Variants in CAMSAP3 observed in about 807,000 individuals in gnomAD.
CAMSAP3 encodes calmodulin regulated spectrin associated protein family member 3, also known as calmodulin-regulated spectrin-associated protein 3.
A neutral mutation model predicts 112.5 loss-of-function variants in CAMSAP3; 34 were observed. That is an observed-to-expected ratio of 0.30 (90% CI 0.23 to 0.40). CAMSAP3 has a LOEUF of 0.40. CAMSAP3 is among the 10% of genes least tolerant of loss of function. The probability of loss-of-function intolerance (pLI) is 1.00; values close to 1 mark genes in which losing one functional copy is unlikely to be tolerated. For missense variants in CAMSAP3, 1,602 were observed against 1,770.3 expected (o/e 0.90, Z 1.71); for synonymous variants, 868 against 799.8 (o/e 1.09, Z -1.44).
At position 7,618,103 on chromosome 19, in the gene CAMSAP3, C is replaced by T; in HGVS notation, c.*46C>T. Reference sequence around the variant, plus strand: ...GGCCGGGCCCTGTGTGCTGCGGCCGCCATCCCCTGGAGGACAGTCAGTCGG... The same window carrying T: ...GGCCGGGCCCTGTGTGCTGCGGCCGTCATCCCCTGGAGGACAGTCAGTCGG... On this transcript the variant is annotated 3_prime_UTR_variant, in exon 17 of 17. Transcript: ENST00000160298. 1 of 1,574,566 alleles carries T rather than the reference C, an allele frequency of 6.4e-7. No homozygotes were observed. Among genetic ancestry groups the T allele is most frequent in the Non-Finnish European group, 8.6e-7 (1 of 1,159,536 alleles).
intron 1 of CAMSAP3, among the ~76,000 whole-genome samples, chr19:7,599,689 T>C (rs150987934): frequency 0.094 from 2,703 of 28,906 alleles, 145 homozygotes; most frequent in Admixed American, 0.11. Context: ...CACTCATCCA[T>C]CCACCCACGC....
chr19:7,615,868 G>A lies in CAMSAP3; in HGVS notation c.3112+149G>A, dbSNP rs1262216171. The A allele has an allele frequency of 7.7e-6, 5 of 646,420 alleles. No individual in the cohort carries two copies. The highest frequency in any genetic ancestry group is 1.2e-5 in the Non-Finnish European group (5 of 427,630). The allele number at this position is 646,420 out of a possible 1,614,324, so 40.0% of individuals were successfully genotyped here. A position where few individuals can be genotyped will look rare whatever the true frequency, so the allele number is the denominator to read the frequency against. On this transcript the variant is annotated intron_variant, in intron 13 of 16. Coordinates refer to ENST00000160298, the MANE Select transcript of CAMSAP3 (RefSeq NM_020902.2). This position sits in a 1 kb window ranked among gnomAD's most constrained non-coding sequence, Gnocchi z 6.5. Reference sequence around the variant, plus strand: ...TGTGGGGTGACAGGGGGCCTCAGGTGGGGTTGGACACTGTCTCTTGGGTAA... The same window carrying A: ...TGTGGGGTGACAGGGGGCCTCAGGTAGGGTTGGACACTGTCTCTTGGGTAA...
chr19:7,609,862 C>T (rs1432810229), intron 5 of CAMSAP3, among the ~76,000 whole-genome samples: 2 of 152,064 alleles, frequency 1.3e-5, no homozygotes, highest in African/African-American at 2.4e-5. Flanking sequence ...CTGTAAGAAT[C>T]GAATGCCGCC....
At position 7,617,686 on chromosome 19, in the gene CAMSAP3, T is replaced by TGG; in HGVS notation, c.3444+29_3444+30dup. 1 of 1,612,778 alleles carries TGG rather than the reference T, an allele frequency of 6.2e-7. No individual in the cohort carries two copies. Among genetic ancestry groups the TGG allele is most frequent in the East Asian group, 2.2e-5 (1 of 44,862 alleles). On this transcript the variant is annotated intron_variant, in intron 16 of 16. Transcript: ENST00000160298. This position sits in a 1 kb window ranked among gnomAD's most constrained non-coding sequence, Gnocchi z 7.5. ...GGTGAGCCCGCCCACACGTGGGAGTTGGGGGCTGGTGGGTGGGTGGGTGGC... is the reference window on the plus strand; with the variant it reads ...GGTGAGCCCGCCCACACGTGGGAGTTGGGGGGGCTGGTGGGTGGGTGGGTGGC...
Position 7,607,779 on chromosome 19 carries a change from A to C in CAMSAP3, c.622-347A>C. Reference sequence around the variant, plus strand: ...GGTGGGCTTGGGGGCCCAGCAGGTCAGCACCCCTCCCCCTTGCTGATGGCT... The same window carrying C: ...GGTGGGCTTGGGGGCCCAGCAGGTCCGCACCCCTCCCCCTTGCTGATGGCT... On this transcript the variant is annotated intron_variant, in intron 4 of 16. Transcript: ENST00000160298. The surrounding 1 kb of genome is among the most constrained non-coding windows in gnomAD (Gnocchi z 4.9). 1 of 727,216 alleles carries C rather than the reference A, an allele frequency of 1.4e-6. No homozygotes were observed. Among genetic ancestry groups the C allele is most frequent in the Admixed American group, 2.7e-5 (1 of 37,014 alleles). 45.0% of individuals were successfully genotyped at this position (727,216 alleles called of 1,614,324 possible).
chr19:7,597,550 G>A (rs1331424880), intron 1 of CAMSAP3, among the ~76,000 whole-genome samples: 1 of 152,202 alleles, frequency 6.6e-6, no homozygotes, highest in Non-Finnish European at 1.5e-5. Context: ...GCGAATGTTT[G>A]TGGGGCAGGG....
In CAMSAP3 at chr19:7,605,396, C is replaced by G. The variant is rs763540031; in HGVS notation, c.319C>G (p.Leu107Val). Residue 107 changes from leucine to valine, a missense_variant, in exon 2 of 17, where the codon CTG becomes GTG. By Grantham distance (32) the Leu-to-Val change is conservative (BLOSUM62 1). Transcript: ENST00000160298. ...CCCCAACCCCTCTGCACTGCTGGCC[C>G]TGCTGGCGCGGAGGGGCACAGTGCC... is the stretch of plus-strand genomic sequence containing the variant. ...TPPNPSALLA[L>V]LARRGTVPAL... The G allele has an allele frequency of 6.5e-7, 1 of 1,537,946 alleles. No individual in the cohort carries two copies. The highest frequency in any genetic ancestry group is 8.8e-7 in the Non-Finnish European group (1 of 1,137,556).
At chr19:7,608,823 C>T (rs1386697250) in intron 5 of CAMSAP3, among the ~76,000 whole-genome samples, 3 of 151,502 alleles carry the variant, frequency 2.0e-5, no homozygotes, top group East Asian at 2.0e-4. Context: ...TTAGTAGAGA[C>T]GGGTTTCACC....
At chr19:7,597,420 G>T (rs1599337036) in intron 1 of CAMSAP3, among the ~76,000 whole-genome samples, 1 of 152,208 alleles carries the variant, frequency 6.6e-6, no homozygotes, top group Admixed American at 6.5e-5. Context: ...AGAACTCAAC[G>T]TGGAGTGTCA....
chr19:7,596,276 C>A (rs2024438498), intron 1 of CAMSAP3, 126 bp downstream of exon 1: 1 of 367,798 alleles, frequency 2.7e-6, no homozygotes. Context: ...CGCCGGGGGT[C>A]CCCGGGCTCG....
Position 7,612,041 on chromosome 19 carries a change from A to G in CAMSAP3, c.1548A>G (p.Ala516=), listed in dbSNP as rs769883376. 1.2e-6 allele frequency: 2 copies of G among 1,612,824 alleles called. No individual in the cohort carries two copies. Among genetic ancestry groups the G allele is most frequent in the East Asian group, 2.2e-5 (1 of 44,864 alleles). Reference sequence around the variant, plus strand: ...CACTGTCCGACAGGCCCACCAAAGCACCAGTGTACATGCCACACCCCGAGA... The same window carrying G: ...CACTGTCCGACAGGCCCACCAAAGCGCCAGTGTACATGCCACACCCCGAGA... The part of the protein sequence containing the change: ...SKPLSDRPTK[A]PVYMPHPETP... Residue 516 remains alanine, a synonymous_variant, in exon 11 of 17, where the codon GCA becomes GCG. Coordinates refer to ENST00000160298, the MANE Select transcript of CAMSAP3 (RefSeq NM_020902.2).
At chr19:7,606,786 C>T in intron 4 of CAMSAP3, 1 of 1,613,808 alleles carries the variant, frequency 6.2e-7, no homozygotes, top group South Asian at 1.1e-5. Flanking sequence ...GTGCCCTACG[C>T]GCTGGTACTG....
At position 7,617,929 on chromosome 19, in the gene CAMSAP3, C is replaced by T. The variant is rs773057926; in HGVS notation, c.3622C>T (p.Arg1208Cys). The T allele has an allele frequency of 6.2e-6, 10 of 1,614,126 alleles. No homozygotes were observed. Among genetic ancestry groups the T allele is most frequent in the Admixed American group, 3.3e-5 (2 of 60,028 alleles). ...VEGIYKYNSD[R>C]KRFTQIPAKT... ...AGGCATCTACAAGTACAACTCGGAC[C>T]GCAAGCGCTTCACCCAGATCCCCGC... Residue 1208 changes from arginine (R) to cysteine (C), a missense_variant, in exon 17 of 17, where the codon CGC becomes TGC. By Grantham distance (180) the Arg-to-Cys change is radical. This residue lies in a region of CAMSAP3 where 150 missense variants were observed against 207.6 expected (regional missense o/e 0.72). Coordinates refer to ENST00000160298, the MANE Select transcript of CAMSAP3 (RefSeq NM_020902.2). The surrounding 1 kb of genome is among the most constrained non-coding windows in gnomAD (Gnocchi z 7.5).
In CAMSAP3 at chr19:7,607,886, C is replaced by A; in HGVS notation, c.622-240C>A. On this transcript the variant is annotated intron_variant, in intron 4 of 16. Coordinates refer to ENST00000160298, the MANE Select transcript of CAMSAP3 (RefSeq NM_020902.2). This position sits in a 1 kb window ranked among gnomAD's most constrained non-coding sequence, Gnocchi z 4.9. ...CCCCCATGGTAATGTATCCCCCGCC[C>A]CGGGGTCCCAGGAGTCCCTGTCCCC... The A allele has an allele frequency of 9.4e-7, 1 of 1,063,964 alleles. No homozygotes were observed. Among genetic ancestry groups the A allele is most frequent in the Non-Finnish European group, 1.4e-6 (1 of 712,424 alleles). The allele number at this position is 1,063,964 out of a possible 1,614,324, so 65.9% of individuals were successfully genotyped here. A position where few individuals can be genotyped will look rare whatever the true frequency, so the allele number is the denominator to read the frequency against.
In CAMSAP3 at chr19:7,606,516, C is replaced by T; in HGVS notation, c.566C>T (p.Ala189Val). 2 of 1,554,156 alleles carry T rather than the reference C, an allele frequency of 1.3e-6. No homozygotes were observed. The highest frequency in any genetic ancestry group is 1.7e-6 in the Non-Finnish European group (2 of 1,158,530). The change falls in exon 4 of 17, where the codon GCC (alanine) becomes GTC (valine). Residue 189 changes from alanine to valine, a missense_variant. This residue lies in a region of CAMSAP3 where 112 missense variants were observed against 94.2 expected (regional missense o/e 1.19). Transcript: ENST00000160298. ...RLQEKTEQEA[A>V]QRASPAAPAD... ...CAGGAGAAGACCGAGCAGGAAGCGG[C>T]CCAGCGAGCCTCTCCAGCAGCCCCT...
chr19:7,617,840 A>G lies in CAMSAP3; in HGVS notation c.3533A>G (p.Glu1178Gly). The change falls in exon 17 of 17, where the codon GAG (glutamate) becomes GGG (glycine). Residue 1178 changes from glutamate (E) to glycine (G), a missense_variant. Physicochemically the swap from Glu to Gly is moderately conservative, Grantham distance 98. Transcript: ENST00000160298. This position sits in a 1 kb window ranked among gnomAD's most constrained non-coding sequence, Gnocchi z 7.5. ...CGGGCGCTCTACACGCTGTCGGGGG[A>G]GACAGAGGAGCTGTCGCGGCTGGCA... The part of the protein sequence containing the change: ...QFRALYTLSG[E>G]TEELSRLAGY... The G allele has an allele frequency of 1.2e-6, 2 of 1,613,860 alleles. No homozygotes were observed. Among genetic ancestry groups the G allele is most frequent in the Non-Finnish European group, 1.7e-6 (2 of 1,180,014 alleles).
In CAMSAP3 at chr19:7,615,480, C is replaced by T. The variant is rs1315926413; in HGVS notation, c.2873C>T (p.Pro958Leu). ...PLVSAVPMATPAPAARAPAEE... is the reference protein window; with the variant it reads ...PLVSAVPMATLAPAARAPAEE... ...GTGTCCGCAGTCCCGATGGCGACTC[C>T]AGCCCCTGCTGCCCGGGCTCCAGCC... Residue 958 changes from proline (P) to leucine (L), a missense_variant, in exon 13 of 17, where the codon CCA (proline) becomes CTA (leucine). Physicochemically the swap from Pro to Leu is moderately conservative, Grantham distance 98. Coordinates refer to ENST00000160298, the MANE Select transcript of CAMSAP3 (RefSeq NM_020902.2). The surrounding 1 kb of genome is among the most constrained non-coding windows in gnomAD (Gnocchi z 6.5). The T allele has an allele frequency of 4.5e-6, 7 of 1,540,724 alleles. No homozygotes were observed. Among genetic ancestry groups the T allele is most frequent in the Admixed American group, 3.9e-5 (2 of 50,734 alleles).
rs777746299 is a variant in CAMSAP3 at position 7,606,849 on chromosome 19, C to A, written c.621+278C>A. On this transcript the variant is annotated intron_variant, in intron 4 of 16. Coordinates refer to ENST00000160298, the MANE Select transcript of CAMSAP3 (RefSeq NM_020902.2). ...CTGTCCGCCCCGTCTGCCTGCCCTG[C>A]TTGTAGCTCTGTCTGTCTGTATGTC... 8 of 1,604,932 alleles carry A rather than the reference C, an allele frequency of 5.0e-6. No homozygotes were observed. In the Admixed American group the frequency reaches 1.3e-4, roughly 27 times the overall value.
At position 7,611,459 on chromosome 19, in the gene CAMSAP3, G is replaced by A. The variant is rs917639207; in HGVS notation, c.1124-58G>A. ...TTGCAGAGGTTGTCCCCAGATGCTGGCTGACCCCACTCAGGGTTCCCAGGG... is the reference window on the plus strand; with the variant it reads ...TTGCAGAGGTTGTCCCCAGATGCTGACTGACCCCACTCAGGGTTCCCAGGG... On this transcript the variant is annotated intron_variant, in intron 9 of 16. Coordinates refer to ENST00000160298, the MANE Select transcript of CAMSAP3 (RefSeq NM_020902.2). This position sits in a 1 kb window ranked among gnomAD's most constrained non-coding sequence, Gnocchi z 6.9. 9.7e-5 allele frequency: 147 copies of A among 1,509,526 alleles called. No individual in the cohort carries two copies. The highest frequency in any genetic ancestry group is 7.9e-5 in the Non-Finnish European group (88 of 1,116,608). 93.5% of individuals were successfully genotyped at this position (1,509,526 alleles called of 1,614,324 possible). A position where few individuals can be genotyped will look rare whatever the true frequency, so the allele number is the denominator to read the frequency against.
Sources: gnomAD v4.1 joint callset for allele counts (sites outside exome capture counted in the v4.1 genomes callset) on GRCh38, gnomAD v4.1.1 for gene constraint, gnomAD v4.1.1 regional missense constraint, Gnocchi (gnomAD v3.1) non-coding constraint, MANE v1.5 for transcripts, NCBI Gene and HGNC (gene_info 2026-07-23, HGNC 2026-07-21) for gene names.